Variants in MTMR4 observed in about 807,000 individuals in gnomAD.
The protein encoded by MTMR4 is phosphatidylinositol-3,5-bisphosphate 3-phosphatase MTMR4.
A neutral mutation model predicts 125.5 loss-of-function variants in MTMR4; 30 were observed. That is an observed-to-expected ratio of 0.24 (90% CI 0.18 to 0.32). The LOEUF is 0.32. Ranked by LOEUF, MTMR4 falls within the 10% of genes least tolerant of loss-of-function variation. The probability of loss-of-function intolerance (pLI) is 1.00; values close to 1 mark genes in which losing one functional copy is unlikely to be tolerated. For synonymous variants in MTMR4, 498 were observed against 564.5 expected (o/e 0.88, Z 1.67); for missense variants, 1,039 against 1,511.5 (o/e 0.69, Z 5.18).
At chr17:58,514,162 A>G (rs1437681938) in intron 1 of MTMR4, 4 of 329,370 alleles carry the variant, frequency 1.2e-5, no homozygotes, top group Non-Finnish European at 1.7e-5. Context: ...CAGAATTTCC[A>G]TTCCTGGCCT....
At chr17:58,511,232 T>A (rs919102107) in intron 4 of MTMR4, 197 bp downstream of exon 4, 1 of 519,096 alleles carries the variant, frequency 1.9e-6, no homozygotes, top group African/African-American at 1.9e-5. Flanking sequence ...GAACTAGGCA[T>A]TACCCCCATT....
In MTMR4 at chr17:58,504,613, G is replaced by T; in HGVS notation, c.1342-125C>A. On this transcript the variant is annotated intron_variant, in intron 11 of 17. Coordinates refer to ENST00000682306, the MANE Select transcript of MTMR4 (RefSeq NM_001378067.1). The surrounding 1 kb of genome is among the most constrained non-coding windows in gnomAD (Gnocchi z 7.1). ...GAAAAATAGGACTGGACCTAGAAGA[G>T]GACTCAAAGCCACCAATTTTCCAAG... The T allele has an allele frequency of 7.4e-7, 1 of 1,358,532 alleles. No homozygotes were observed. The highest frequency in any genetic ancestry group is 1.0e-6 in the Non-Finnish European group (1 of 1,001,700). The allele number at this position is 1,358,532 out of a possible 1,614,324, so 84.2% of individuals were successfully genotyped here. A position where few individuals can be genotyped will look rare whatever the true frequency, so the allele number is the denominator to read the frequency against.
chr17:58,513,411 CAA>C (rs1473671812), intron 1 of MTMR4, among the ~76,000 whole-genome samples: 1 of 152,080 alleles, frequency 6.6e-6, no homozygotes, highest in Non-Finnish European at 1.5e-5. Context: ...GTGAAGGAGA[CAA>C]AGAGGAGTGG....
chr17:58,512,640 A>G lies in MTMR4; in HGVS notation c.136-134T>C, dbSNP rs1975963715. The G allele has an allele frequency of 1.2e-6, 1 of 827,162 alleles. No individual in the cohort carries two copies. Among genetic ancestry groups the G allele is most frequent in the Non-Finnish European group, 2.0e-6 (1 of 501,292 alleles). The allele number at this position is 827,162 out of a possible 1,614,324, so 51.2% of individuals were successfully genotyped here. A position where few individuals can be genotyped will look rare whatever the true frequency, so the allele number is the denominator to read the frequency against. On this transcript the variant is annotated intron_variant, in intron 2 of 17. Coordinates refer to ENST00000682306, the MANE Select transcript of MTMR4 (RefSeq NM_001378067.1). This position sits in a 1 kb window ranked among gnomAD's most constrained non-coding sequence, Gnocchi z 4.1. ...AGAGGAGAGTTCTCTCCACGGTAAC[A>G]GCACCAGGCAACAGCTGTACAGGAA...
chr17:58,517,482 C>T (rs1285058222), upstream of MTMR4, among the ~76,000 whole-genome samples: 4 of 152,274 alleles, frequency 2.6e-5, no homozygotes, highest in Non-Finnish European at 5.9e-5. Flanking sequence ...GGCCATTCTC[C>T]CTCATGGGGG....
intron 14 of MTMR4, among the ~76,000 whole-genome samples, chr17:58,499,273 GCA>G (rs1975555969): frequency 6.7e-6 from 1 of 150,224 alleles, no homozygotes; most frequent in Non-Finnish European, 1.5e-5. Context: ...TCACCCAGGT[GCA>G]GTGGCTCACA....
intron 7 of MTMR4, 144 bp from the exon 8 acceptor site, chr17:58,507,463 C>T (rs1975808845): frequency 1.4e-5 from 9 of 650,674 alleles, no homozygotes; most frequent in South Asian, 1.2e-4. Flanking sequence ...CCCAACGTCA[C>T]TAGCAGGCTT....
intron 14 of MTMR4, among the ~76,000 whole-genome samples, chr17:58,500,704 T>G (rs1402587361): frequency 1.4e-5 from 2 of 141,192 alleles, no homozygotes; most frequent in Non-Finnish European, 3.0e-5. Flanking sequence ...GAGCCAAGAT[T>G]GCGCCACTGC....
intron 1 of MTMR4, 144 bp from the exon 2 acceptor site, chr17:58,513,085 C>T: frequency 3.0e-6 from 2 of 675,818 alleles, no homozygotes; most frequent in Non-Finnish European, 5.2e-6. Flanking sequence ...GAAAAGAGAT[C>T]TGACTTGGTT....
intron 15 of MTMR4, 99 bp downstream of exon 15, chr17:58,494,833 A>T (rs1598211524): frequency 1.8e-6 from 2 of 1,101,112 alleles, no homozygotes; most frequent in East Asian, 4.9e-5. Flanking sequence ...CACCTAACTC[A>T]GTGGCACACA....
At position 58,504,505 on chromosome 17, in the gene MTMR4, T is replaced by C; in HGVS notation, c.1342-17A>G. On this transcript the variant is annotated splice_polypyrimidine_tract_variant and intron_variant, in intron 11 of 17. Transcript: ENST00000682306. The surrounding 1 kb of genome is among the most constrained non-coding windows in gnomAD (Gnocchi z 7.1). ...TTGGAAGCCCTGCAAAAAAAGAAAC[T>C]GTTCAAACATAGGGCCTCTCTGGAA... 1 of 1,608,072 alleles carries C rather than the reference T, an allele frequency of 6.2e-7. No homozygotes were observed. Among genetic ancestry groups the C allele is most frequent in the East Asian group, 2.2e-5 (1 of 44,742 alleles).
intron 14 of MTMR4, among the ~76,000 whole-genome samples, chr17:58,502,476 A>T (rs887843959): frequency 1.3e-5 from 2 of 151,972 alleles, no homozygotes; most frequent in Non-Finnish European, 2.9e-5. Context: ...ACAAATTTTT[A>T]AAAAGCTACA....
At position 58,504,134 on chromosome 17, in the gene MTMR4, G is replaced by A. The variant is rs1053404881; in HGVS notation, c.1614C>T (p.Tyr538=). 51 of 1,612,388 alleles carry A rather than the reference G, an allele frequency of 3.2e-5. No individual in the cohort carries two copies. Among genetic ancestry groups the A allele is most frequent in the Non-Finnish European group, 4.2e-5 (49 of 1,179,410 alleles). The change falls in exon 13 of 18, where the codon TAC becomes TAT. Residue 538 remains tyrosine (Y), a synonymous_variant. Transcript: ENST00000682306. This position sits in a 1 kb window ranked among gnomAD's most constrained non-coding sequence, Gnocchi z 7.1. ...NPCEREKRNI[Y]KRTCSVWALL... is the part of the protein sequence containing the mutation. ...GCGCCCACACAGAGCAGGTCCGCTT[G>A]TAGATGTTGCGCTTCTCTCGCTCAC...
intron 1 of MTMR4, among the ~76,000 whole-genome samples, chr17:58,513,832 G>T (rs534358881): frequency 1.5e-4 from 23 of 151,668 alleles, no homozygotes; most frequent in African/African-American, 5.6e-4. Context: ...CAGAGGTACG[G>T]AACCCTGCAG....
chr17:58,493,497 C>T (rs1049458178), intron 15 of MTMR4, among the ~76,000 whole-genome samples: 2 of 152,300 alleles, frequency 1.3e-5, no homozygotes, highest in African/African-American at 2.4e-5. Flanking sequence ...GGACCACAGG[C>T]GTCCACCACC....
chr17:58,516,661 A>C (rs1598232003), upstream of MTMR4: 2 of 1,545,768 alleles, frequency 1.3e-6, no homozygotes, highest in Non-Finnish European at 1.8e-6. Context: ...GACCCCATTA[A>C]CATTACCATA....
chr17:58,509,819 T>C (rs1012865564), intron 4 of MTMR4, among the ~76,000 whole-genome samples: 10 of 152,206 alleles, frequency 6.6e-5, no homozygotes, highest in African/African-American at 2.4e-4. Flanking sequence ...GGAAGGGCAA[T>C]GTGAATGCTC....
Position 58,507,301 on chromosome 17 carries a change from A to G in MTMR4, c.726T>C (p.Ala242=). 6.2e-7 allele frequency: 1 copy of G among 1,613,494 alleles called. No individual in the cohort carries two copies. Among genetic ancestry groups the G allele is most frequent in the South Asian group, 1.1e-5 (1 of 91,078 alleles). The change falls in exon 8 of 18, where the codon GCT becomes GCC. Residue 242 remains alanine, a synonymous_variant. Coordinates refer to ENST00000682306, the MANE Select transcript of MTMR4 (RefSeq NM_001378067.1). ...CTGGCTGGCTGCAGCGGGCGATGGC[A>G]GCCCCATTGCGCAAGTGTCTGACAA... ...VVVYRHLRNG[A]AIARCSQPEI... is the part of the protein sequence containing the mutation.
At chr17:58,517,020 T>G (rs1267978678), upstream of MTMR4, among the ~76,000 whole-genome samples, 1 of 152,204 alleles carries the variant, frequency 6.6e-6, no homozygotes, top group Non-Finnish European at 1.5e-5. Context: ...GTGGCAGTAG[T>G]TGAAGGAGCA....
Sources: allele counts gnomAD v4.1 joint callset (sites outside exome capture counted in the v4.1 genomes callset), GRCh38; gene constraint gnomAD v4.1.1; non-coding constraint Gnocchi (gnomAD v3.1); transcripts MANE v1.5; gene names NCBI Gene and HGNC (gene_info 2026-07-23, HGNC 2026-07-21).